Variants in MANBA observed in about 807,000 individuals in gnomAD.
MANBA encodes mannosidase beta.
In MANBA, 83 loss-of-function variants were observed where a neutral mutation model predicts 111.1. That is an observed-to-expected ratio of 0.75 (90% CI 0.63 to 0.90). The LOEUF (loss-of-function observed/expected upper bound fraction) is 0.90. Among genes scored for constraint, MANBA ranks in the 40% least tolerant of loss-of-function variants. The pLI, the probability that MANBA is intolerant of heterozygous loss-of-function variation, is 0.00. For missense variants in MANBA, 1,036 were observed against 1,069.0 expected (o/e 0.97, Z 0.43); for synonymous variants, 370 against 378.7 (o/e 0.98, Z 0.27).
At chr4:102,679,267 A>G (rs1371258541) in intron 7 of MANBA, among the ~76,000 whole-genome samples, 1 of 152,078 alleles carries the variant, frequency 6.6e-6, no homozygotes, top group Admixed American at 6.6e-5. Context: ...GCATCCTTGT[A>G]GCCAGATGTG....
chr4:102,752,035 C>G (rs1483546900), intron 1 of MANBA: 2 of 749,430 alleles, frequency 2.7e-6, no homozygotes, highest in Non-Finnish European at 5.0e-6. Flanking sequence ...GGATAAGATG[C>G]TAAAGATCTG....
At chr4:102,642,321 T>A (rs1729911114) in intron 13 of MANBA, among the ~76,000 whole-genome samples, 1 of 152,176 alleles carries the variant, frequency 6.6e-6, no homozygotes, top group Non-Finnish European at 1.5e-5. Flanking sequence ...AAAATATGCC[T>A]ATTTGGCTGG....
chr4:102,722,458 G>T, intron 4 of MANBA: 1 of 209,986 alleles, frequency 4.8e-6, no homozygotes, highest in African/African-American at 2.3e-5. Context: ...GATTTTATGA[G>T]AACCTGACAG....
rs1406633889 is a variant in MANBA, at chr4:102,635,016, C to T, written c.2187G>A (p.Glu729=). 3 of 1,614,052 alleles carry T rather than the reference C, an allele frequency of 1.9e-6. No homozygotes were observed. The highest frequency in any genetic ancestry group is 1.3e-5 in the African/African-American group (1 of 74,928). ...GTTCAGTCACACGAGAGCACACGGG[C>T]TCCAGGGAGCTCCATGTATGGACTC... ...SVRVHTWSSL[E]PVCSRVTERF... is the part of the protein sequence containing the mutation. Residue 729 remains glutamate (E), a synonymous_variant, in exon 16 of 17, where the codon GAG becomes GAA. Transcript: ENST00000647097.
chr4:102,740,024 G>A (rs1170526125), intron 1 of MANBA, among the ~76,000 whole-genome samples: 1 of 152,142 alleles, frequency 6.6e-6, no homozygotes, highest in Admixed American at 6.6e-5. Context: ...CTGATGATAT[G>A]ATCATATACA....
intron 16 of MANBA, among the ~76,000 whole-genome samples, chr4:102,632,690 T>A (rs1278377236): frequency 6.6e-6 from 1 of 152,222 alleles, no homozygotes; most frequent in African/African-American, 2.4e-5. Flanking sequence ...CATTCAAGTC[T>A]CCTGAAAAGA....
intron 13 of MANBA, among the ~76,000 whole-genome samples, chr4:102,644,100 T>C (rs1029372237): frequency 3.3e-5 from 5 of 152,310 alleles, no homozygotes; most frequent in Non-Finnish European, 5.9e-5. Context: ...GGTCTGAATT[T>C]ATTCTTTTGC....
In MANBA at chr4:102,737,369, G is replaced by A. The variant is rs1486586796; in HGVS notation, c.178-10686C>T. Among the ~76,000 whole-genome samples, 8 of 152,282 alleles carry A rather than the reference G, an allele frequency of 5.3e-5. No individual in the cohort carries two copies. The Middle Eastern group carries it at 0.01, about 194-fold the overall frequency. The stretch of plus-strand genomic sequence containing the variant: ...GGGCAAGATCTCAGTCCTGCTCACC[G>A]GCTGCCTGGATAGGAACTGATATAA... On this transcript the variant is annotated intron_variant, in intron 1 of 16. Transcript: ENST00000647097.
chr4:102,676,306 T>C (rs1731725833), intron 7 of MANBA, among the ~76,000 whole-genome samples: 1 of 152,144 alleles, frequency 6.6e-6, no homozygotes, highest in African/African-American at 2.4e-5. Context: ...TATTTAAACT[T>C]ATACATGATA....
At chr4:102,755,876 C>G (rs1425771636) in intron 1 of MANBA, among the ~76,000 whole-genome samples, 2 of 152,156 alleles carry the variant, frequency 1.3e-5, no homozygotes, top group Non-Finnish European at 2.9e-5. Context: ...TGAAAAAATG[C>G]TCATCATCAC....
chr4:102,715,778 A>G (rs570343101), intron 4 of MANBA, among the ~76,000 whole-genome samples: 7 of 152,234 alleles, frequency 4.6e-5, no homozygotes, highest in Non-Finnish European at 8.8e-5. Context: ...TAACTGATAC[A>G]ATATCCAATA....
At chr4:102,696,326 T>C (rs1344155754) in intron 5 of MANBA, among the ~76,000 whole-genome samples, 2 of 152,172 alleles carry the variant, frequency 1.3e-5, no homozygotes, top group African/African-American at 4.8e-5. Flanking sequence ...CCTGTACTTA[T>C]CAAAATACTG....
intron 5 of MANBA, among the ~76,000 whole-genome samples, chr4:102,709,310 G>GA (rs1721919860): frequency 1.3e-5 from 1 of 74,458 alleles, no homozygotes; most frequent in Non-Finnish European, 2.4e-5. Flanking sequence ...AAGGAAGGAA[G>GA]GAAGAAAAGA....
At chr4:102,724,700 A>C (rs941943827) in intron 2 of MANBA, among the ~76,000 whole-genome samples, 1 of 152,236 alleles carries the variant, frequency 6.6e-6, no homozygotes, top group Non-Finnish European at 1.5e-5. Context: ...ACAGGAAACT[A>C]TAACAGTGCC....
intron 13 of MANBA, 99 bp downstream of exon 13, chr4:102,650,438 A>G (rs1730280173): frequency 8.1e-7 from 1 of 1,233,854 alleles, no homozygotes; most frequent in Non-Finnish European, 1.2e-6. Context: ...AGTGGAATGA[A>G]AACCTGAATA....
chr4:102,678,232 A>G (rs1488427622), intron 7 of MANBA, among the ~76,000 whole-genome samples: 1 of 152,184 alleles, frequency 6.6e-6, no homozygotes, highest in Non-Finnish European at 1.5e-5. Flanking sequence ...TGGGGTGACA[A>G]TAAACCCAAA....
chr4:102,691,068 A>C (rs1392021464), intron 5 of MANBA: 1 of 152,740 alleles, frequency 6.5e-6, no homozygotes, highest in Non-Finnish European at 1.5e-5. Flanking sequence ...TGACAAATGG[A>C]AAGATAAAAT....
Position 102,632,290 on chromosome 4 carries a change from GAA to G in MANBA, c.2416-11_2416-10del, listed in dbSNP as rs5860729. ...TGCTGAGAGATGATGGCCTGAAAAA[GAA>G]AAAAAAAAATGAATGAAGTGAAGGA... On this transcript the variant is annotated splice_polypyrimidine_tract_variant and intron_variant, in intron 16 of 16. Transcript: ENST00000647097. 518 of 1,389,222 alleles carry G rather than the reference GAA, an allele frequency of 3.7e-4. No homozygotes were observed. The highest frequency in any genetic ancestry group is 2.4e-3 in the African/African-American group (166 of 69,168). The allele number at this position is 1,389,222 out of a possible 1,614,324, so 86.1% of individuals were successfully genotyped here. A position where few individuals can be genotyped will look rare whatever the true frequency, so the allele number is the denominator to read the frequency against.
At position 102,714,498 on chromosome 4, in the gene MANBA, C is replaced by A. The variant is rs780391910; in HGVS notation, c.613G>T (p.Val205Phe). ...SFPTQGIWKD[V>F]RIEAYNICHL... The stretch of plus-strand genomic sequence containing the variant: ...CAAATATTATAGGCTTCAATTCTAA[C>A]ATCTTTCCAGATTCCCTGGGTAGGA... Residue 205 changes from valine to phenylalanine, a missense_variant, in exon 5 of 17, where the codon GTT (valine) becomes TTT (phenylalanine). Transcript: ENST00000647097. 1 of 1,603,940 alleles carries A rather than the reference C, an allele frequency of 6.2e-7. No homozygotes were observed. The highest frequency in any genetic ancestry group is 8.5e-7 in the Non-Finnish European group (1 of 1,170,756).
Sources: gnomAD v4.1 joint callset for allele counts (sites outside exome capture counted in the v4.1 genomes callset) on GRCh38, gnomAD v4.1.1 for gene constraint, MANE v1.5 for transcripts, NCBI Gene and HGNC (gene_info 2026-07-23, HGNC 2026-07-21) for gene names.